PKNOX2: variants seen among roughly 807,000 people sequenced by gnomAD.
The protein encoded by PKNOX2 is PBX/knotted 1 homeobox 2, also known as homeobox protein PKNOX2.
In PKNOX2, 14 loss-of-function variants were observed where a neutral mutation model predicts 53.1. The observed-to-expected ratio is 0.26, with a 90% CI of 0.17 to 0.41. The LOEUF (loss-of-function observed/expected upper bound fraction) is 0.41, where lower values mean the gene tolerates loss of function less well. Among genes scored for constraint, PKNOX2 ranks in the 10% least tolerant of loss-of-function variants. The probability of loss-of-function intolerance (pLI) is 1.00; values close to 1 mark genes in which losing one functional copy is unlikely to be tolerated. For missense variants in PKNOX2, 496 were observed against 602.8 expected (o/e 0.82, Z 1.85); for synonymous variants, 257 against 242.8 (o/e 1.06, Z -0.54).
intron 4 of PKNOX2, among the ~76,000 whole-genome samples, chr11:125,360,159 AAG>A (rs890590140): frequency 1.3e-5 from 2 of 151,904 alleles, no homozygotes; most frequent in Non-Finnish European, 2.9e-5. Context: ...AAAAAAAAAA[AAG>A]AAAAAGGAAA....
chr11:125,289,268 T>A (rs1947144339), intron 2 of PKNOX2, among the ~76,000 whole-genome samples: 1 of 152,214 alleles, frequency 6.6e-6, no homozygotes, highest in Admixed American at 6.5e-5. Context: ...CCTCCCCTCA[T>A]GACTGACTGC....
intron 2 of PKNOX2, among the ~76,000 whole-genome samples, chr11:125,270,274 G>A (rs77255959): frequency 0.047 from 7,135 of 152,242 alleles, 549 homozygotes; most frequent in African/African-American, 0.16. Context: ...ACTGGCATCG[G>A]CATTCCTTTC....
At chr11:125,395,467 G>A (rs1373825963) in intron 6 of PKNOX2, among the ~76,000 whole-genome samples, 4 of 152,152 alleles carry the variant, frequency 2.6e-5, no homozygotes, top group Non-Finnish European at 5.9e-5. Flanking sequence ...CATATGGTAC[G>A]CACATATTTA....
chr11:125,214,250 A>T (rs1591483132), intron 1 of PKNOX2, among the ~76,000 whole-genome samples: 1 of 151,750 alleles, frequency 6.6e-6, no homozygotes, highest in Non-Finnish European at 1.5e-5. Flanking sequence ...ATGAGCGGCC[A>T]CCTCCCAGCC....
chr11:125,189,359 ATATATATATG>A (rs1956644601), intron 1 of PKNOX2, among the ~76,000 whole-genome samples: 3 of 133,512 alleles, frequency 2.2e-5, no homozygotes, highest in Admixed American at 1.5e-4. Context: ...TTCTAATTAT[ATATATATATG>A]TATATATATA....
At chr11:125,373,326 G>A (rs1022855438) in intron 5 of PKNOX2, among the ~76,000 whole-genome samples, 4 of 152,228 alleles carry the variant, frequency 2.6e-5, no homozygotes, top group Non-Finnish European at 4.4e-5. Flanking sequence ...AGCATATGCT[G>A]CTTTGGCCCA....
intron 3 of PKNOX2, 71 bp from the exon 4 acceptor site, chr11:125,351,209 CAGGG>C: frequency 2.7e-6 from 2 of 747,772 alleles, no homozygotes; most frequent in Non-Finnish European, 4.9e-6. Flanking sequence ...GCGGGGGACA[CAGGG>C]AGCTGCTGGG....
At chr11:125,389,218 A>G (rs1953865903) in intron 6 of PKNOX2, among the ~76,000 whole-genome samples, 1 of 151,980 alleles carries the variant, frequency 6.6e-6, no homozygotes, top group Admixed American at 6.5e-5. Context: ...CAAACAAACA[A>G]AAAACCCTAG....
intron 7 of PKNOX2, among the ~76,000 whole-genome samples, chr11:125,401,979 C>G (rs1954784310): frequency 1.3e-5 from 2 of 152,150 alleles, no homozygotes; most frequent in East Asian, 3.8e-4. Context: ...TCCCTGTGTG[C>G]TAATCATCCA....
At chr11:125,325,663 T>A (rs1949783585) in intron 2 of PKNOX2, among the ~76,000 whole-genome samples, 1 of 152,222 alleles carries the variant, frequency 6.6e-6, no homozygotes, top group Admixed American at 6.5e-5. Flanking sequence ...CTGCTAAGCA[T>A]ATCACACATC....
chr11:125,342,152 C>T (rs1591534844), intron 3 of PKNOX2, among the ~76,000 whole-genome samples: 1 of 151,896 alleles, frequency 6.6e-6, no homozygotes, highest in Non-Finnish European at 1.5e-5. Flanking sequence ...GCTTCCACAA[C>T]TCTGACTCTT....
In PKNOX2 at chr11:125,279,686, C is replaced by T. The variant is rs139195320; in HGVS notation, c.-130+44571C>T. ...GACTCCTAGGCCAACAGCCAGGTAC[C>T]CAGTCTATGGTGGTATCTGGGGGCC... is the stretch of plus-strand genomic sequence containing the variant. On this transcript the variant is annotated intron_variant, in intron 2 of 12. Coordinates refer to ENST00000298282, the MANE Select transcript of PKNOX2 (RefSeq NM_001382323.2). Among the ~76,000 whole-genome samples, 55 of 152,292 alleles carry T rather than the reference C, an allele frequency of 3.6e-4. 1 individual carries two copies. In the East Asian group the frequency reaches 0.01, roughly 29 times the overall value.
intron 3 of PKNOX2, among the ~76,000 whole-genome samples, chr11:125,349,656 C>G (rs1237274179): frequency 6.6e-6 from 1 of 151,628 alleles, no homozygotes; most frequent in Non-Finnish European, 1.5e-5. Flanking sequence ...CCTCATTCAT[C>G]TGTCCCACCA....
At chr11:125,360,928 G>C (rs1184903974) in intron 4 of PKNOX2, among the ~76,000 whole-genome samples, 1 of 152,196 alleles carries the variant, frequency 6.6e-6, no homozygotes, top group Admixed American at 6.5e-5. Context: ...AGGCAGGAGA[G>C]AGCCAAATAC....
In PKNOX2 at chr11:125,431,282, G is replaced by A; in HGVS notation, c.1309G>A (p.Glu437Lys). ...ATTGGATGGGACAGAAGAAGAGGAT[G>A]AGGATGAGATGGAAGAGGAGGAGGA... is the stretch of plus-strand genomic sequence containing the variant. ...DSLDGTEEED[E>K]DEMEEEEEEE... The change falls in exon 13 of 13, where the codon GAG becomes AAG. Residue 437 changes from glutamate to lysine, a missense_variant. This residue lies in a region of PKNOX2 where 139 missense variants were observed against 161.3 expected (regional missense o/e 0.86). Coordinates refer to ENST00000298282, the MANE Select transcript of PKNOX2 (RefSeq NM_001382323.2). 4 of 1,613,538 alleles carry A rather than the reference G, an allele frequency of 2.5e-6. No individual in the cohort carries two copies. The highest frequency in any genetic ancestry group is 3.4e-6 in the Non-Finnish European group (4 of 1,179,840).
At chr11:125,384,023 A>T (rs113941313) in intron 5 of PKNOX2, among the ~76,000 whole-genome samples, 1,594 of 152,324 alleles carry the variant, frequency 0.01, 28 homozygotes, top group African/African-American at 0.036. Flanking sequence ...GGGCTGTGAG[A>T]TGCATTTTTG....
intron 2 of PKNOX2, among the ~76,000 whole-genome samples, chr11:125,283,510 G>C (rs1238611064): frequency 6.6e-6 from 1 of 152,222 alleles, no homozygotes; most frequent in South Asian, 2.1e-4. Flanking sequence ...TGATGCGTAG[G>C]GTTTGAACAT....
intron 3 of PKNOX2, among the ~76,000 whole-genome samples, chr11:125,335,056 G>A (rs1394546355): frequency 6.6e-6 from 1 of 152,184 alleles, no homozygotes; most frequent in Non-Finnish European, 1.5e-5. Flanking sequence ...GCCAGTTCCT[G>A]TGCAAGCCCC....
Position 125,367,977 on chromosome 11 carries a change from T to G in PKNOX2, c.219T>G (p.Ala73=). ...CCCAGCTGGAGGCTGACAAGCGAGC[T>G]GTATACAGGTAGGAGACACTTCAGC... is the stretch of plus-strand genomic sequence containing the variant. ...PQAQLEADKR[A]VYRHPLFPLL... is the part of the protein sequence containing the mutation. Residue 73 remains alanine (A), a synonymous_variant, in exon 5 of 13, where the codon GCT becomes GCG. Transcript: ENST00000298282. 6.2e-7 allele frequency: 1 copy of G among 1,612,744 alleles called. No homozygotes were observed. Among genetic ancestry groups the G allele is most frequent in the Non-Finnish European group, 8.5e-7 (1 of 1,179,362 alleles).
Sources: allele counts gnomAD v4.1 joint callset (sites outside exome capture counted in the v4.1 genomes callset), GRCh38; gene constraint gnomAD v4.1.1; regional missense constraint gnomAD v4.1.1; transcripts MANE v1.5; gene names NCBI Gene and HGNC (gene_info 2026-07-23, HGNC 2026-07-21).